LIMCH1: variants seen among roughly 807,000 people sequenced by gnomAD.
The protein encoded by LIMCH1 is LIM and calponin homology domains-containing protein 1.
A neutral mutation model predicts 176.5 loss-of-function variants in LIMCH1; 113 were observed. The ratio of observed to expected loss-of-function variants is 0.64; its 90% CI spans 0.55 to 0.75. LIMCH1 has a LOEUF of 0.75. Among genes scored for constraint, LIMCH1 ranks in the 30% least tolerant of loss-of-function variants. LIMCH1 has a pLI of 0.00. For synonymous variants in LIMCH1, 619 were observed against 645.9 expected, an observed-to-expected ratio of 0.96 and a Z score of 0.63; for missense variants, 1,674 against 1,814.9, an observed-to-expected ratio of 0.92 and a Z score of 1.41.
chr4:41,609,235 A>G (rs919615639), intron 4 of LIMCH1, among the ~76,000 whole-genome samples: 4 of 82,320 alleles, frequency 4.9e-5, no homozygotes, highest in African/African-American at 1.4e-4. Flanking sequence ...CCCTCAACCC[A>G]CCTTATGTTT....
At chr4:41,653,768 A>T (rs1281346835) in intron 18 of LIMCH1, among the ~76,000 whole-genome samples, 1 of 152,252 alleles carries the variant, frequency 6.6e-6, no homozygotes, top group African/African-American at 2.4e-5. Flanking sequence ...ACTATGGATG[A>T]CATCATATCA....
Position 41,539,247 on chromosome 4 carries a change from A to C in LIMCH1, c.-241+897A>C, listed in dbSNP as rs188606987. Among the ~76,000 whole-genome samples, 891 of 152,256 alleles carry C rather than the reference A, an allele frequency of 5.9e-3. 3 individuals are homozygous for C. The highest frequency in any genetic ancestry group is 0.014 in the Middle Eastern group (4 of 294). Reference sequence around the variant, plus strand: ...TACAGCCGTTTTCTTCATGGTGCTGAATAGACCAAATGTCTCAGGAGTCTG... The same window carrying C: ...TACAGCCGTTTTCTTCATGGTGCTGCATAGACCAAATGTCTCAGGAGTCTG... On this transcript the variant is annotated intron_variant, in intron 1 of 31. Transcript: ENST00000503057.
intron 1 of LIMCH1, among the ~76,000 whole-genome samples, chr4:41,571,273 GA>G (rs1225041956): frequency 6.6e-6 from 1 of 152,080 alleles, no homozygotes; most frequent in African/African-American, 2.4e-5. Context: ...ACAGAGAAGA[GA>G]GGGGAAAATA....
chr4:41,658,876 T>C (rs1407900382), intron 18 of LIMCH1, among the ~76,000 whole-genome samples: 1 of 152,176 alleles, frequency 6.6e-6, no homozygotes, highest in Non-Finnish European at 1.5e-5. Context: ...TTCATCAATA[T>C]TTAACTGCAA....
At chr4:41,382,052 T>C (rs989155549) in intron 1 of LIMCH1, among the ~76,000 whole-genome samples, 14 of 152,204 alleles carry the variant, frequency 9.2e-5, no homozygotes, top group Non-Finnish European at 1.8e-4. Context: ...GACTTATGAG[T>C]GCGTCCAGCT....
Position 41,676,405 on chromosome 4 carries a change from A to G in LIMCH1, c.3462A>G (p.Pro1154=). The G allele has an allele frequency of 6.2e-7, 1 of 1,614,056 alleles. No individual in the cohort carries two copies. Among genetic ancestry groups the G allele is most frequent in the Middle Eastern group, 1.7e-4 (1 of 6,060 alleles). The change falls in exon 23 of 32, where the codon CCA becomes CCG. Residue 1154 remains proline (P), a synonymous_variant. Transcript: ENST00000503057. ...MTPFKFWAWD[P]EEERRRQEKW... is the part of the protein sequence containing the mutation. ...AGTTTAAGTTCTGGGCATGGGACCC[A>G]GAAGAGGAGCGCAGGCGACAGGAAA...
At chr4:41,647,510 G>GA (rs2094113812) in intron 17 of LIMCH1, among the ~76,000 whole-genome samples, 1 of 152,194 alleles carries the variant, frequency 6.6e-6, no homozygotes. Context: ...CCAGACTGAA[G>GA]AACTTGTGGA....
At chr4:41,648,702 T>TGTGTGTGTGTGTGTGTGTGTGTG (rs1585307021) in intron 17 of LIMCH1, among the ~76,000 whole-genome samples, 2 of 147,160 alleles carry the variant, frequency 1.4e-5, no homozygotes, top group African/African-American at 5.1e-5. Flanking sequence ...TGTGTGTGTC[T>TGTGTGTGTGTGTGTGTGTGTGTG]TCTTGGAGGG....
intron 1 of LIMCH1, among the ~76,000 whole-genome samples, chr4:41,382,340 G>A (rs1289365378): frequency 2.6e-5 from 4 of 151,590 alleles, no homozygotes; most frequent in South Asian, 4.2e-4. Flanking sequence ...GGCTGTATCC[G>A]TGGAGAATTT....
At chr4:41,424,030 T>G (rs1371606427) in intron 1 of LIMCH1, among the ~76,000 whole-genome samples, 2 of 152,160 alleles carry the variant, frequency 1.3e-5, no homozygotes, top group East Asian at 3.9e-4. Flanking sequence ...TGTGATTCCC[T>G]CCTTCCTGCC....
chr4:41,530,439 T>A (rs1457192575), intron 3 of LIMCH1, among the ~76,000 whole-genome samples: 1 of 152,176 alleles, frequency 6.6e-6, no homozygotes, highest in Non-Finnish European at 1.5e-5. Flanking sequence ...CTCCAGTGGT[T>A]TATCTTATAG....
chr4:41,406,419 G>A (rs2058967562), intron 1 of LIMCH1, among the ~76,000 whole-genome samples: 1 of 152,130 alleles, frequency 6.6e-6, no homozygotes, highest in South Asian at 2.1e-4. Context: ...TACTTAGAGG[G>A]CTGACTGACG....
intron 26 of LIMCH1, among the ~76,000 whole-genome samples, chr4:41,683,180 C>T (rs1717696558): frequency 6.6e-6 from 1 of 152,024 alleles, no homozygotes; most frequent in African/African-American, 2.4e-5. Flanking sequence ...CATTATTATC[C>T]CCTGAGCTGT....
At chr4:41,498,520 A>T (rs2072623202) in intron 2 of LIMCH1, among the ~76,000 whole-genome samples, 2 of 152,158 alleles carry the variant, frequency 1.3e-5, no homozygotes, top group Admixed American at 1.3e-4. Context: ...CAGAGGTTAA[A>T]TGCTTAAATG....
chr4:41,517,233 C>A (rs2075671367), intron 2 of LIMCH1, among the ~76,000 whole-genome samples: 1 of 152,076 alleles, frequency 6.6e-6, no homozygotes, highest in Admixed American at 6.6e-5. Flanking sequence ...TAGGGCCAGG[C>A]CTGCATGTGA....
At chr4:41,672,365 A>C (rs1560321844) in intron 22 of LIMCH1, among the ~76,000 whole-genome samples, 1 of 152,190 alleles carries the variant, frequency 6.6e-6, no homozygotes, top group Non-Finnish European at 1.5e-5. Context: ...GCGAGACTCC[A>C]TCTCAAAGAA....
chr4:41,364,127 A>G (rs904181616), intron 1 of LIMCH1, among the ~76,000 whole-genome samples: 1 of 152,232 alleles, frequency 6.6e-6, no homozygotes. Context: ...AGCAACAACA[A>G]AAATGACTAA....
intron 1 of LIMCH1, among the ~76,000 whole-genome samples, chr4:41,564,961 G>T (rs1319422356): frequency 2.6e-5 from 4 of 152,058 alleles, no homozygotes; most frequent in Non-Finnish European, 5.9e-5. Flanking sequence ...GTTTCCTGAG[G>T]CCTCCCCAGA....
In LIMCH1 at chr4:41,633,675, G is replaced by T. The variant is rs750607918; in HGVS notation, c.1957G>T (p.Asp653Tyr). ...AAAGTTGGATGATTCACGAAAAGAT[G>T]ACATGATGGCCAGGAGAACTGGGAT... is the stretch of plus-strand genomic sequence containing the variant. Reference protein sequence around the residue: ...QRKLDDSRKDDMMARRTGMSL... With the variant: ...QRKLDDSRKDYMMARRTGMSL... Residue 653 changes from aspartate to tyrosine, a missense_variant, in exon 13 of 32, where the codon GAC (aspartate) becomes TAC (tyrosine). Transcript: ENST00000503057. 4.6e-6 allele frequency: 7 copies of T among 1,536,066 alleles called. No homozygotes were observed. Among genetic ancestry groups the T allele is most frequent in the Non-Finnish European group, 6.1e-6 (7 of 1,146,930 alleles).
Sources: allele counts gnomAD v4.1 joint callset (sites outside exome capture counted in the v4.1 genomes callset), GRCh38; gene constraint gnomAD v4.1.1; transcripts MANE v1.5; gene names NCBI Gene and HGNC (gene_info 2026-07-23, HGNC 2026-07-21).